Variants in FUT2 observed in about 807,000 individuals in gnomAD.
FUT2 encodes galactoside alpha-(1,2)-fucosyltransferase 2.
For synonymous variants in FUT2, 182 were observed against 193.1 expected (o/e 0.94, Z 0.48); for missense variants, 419 against 465.8 (o/e 0.90, Z 0.93).
chr19:48,701,546 T>C (rs1337199670), intron 1 of FUT2, among the ~76,000 whole-genome samples: 1 of 151,834 alleles, frequency 6.6e-6, no homozygotes, highest in Non-Finnish European at 1.5e-5. Context: ...AAGTCCACGG[T>C]GGAGCTGGGT....
At position 48,704,748 on chromosome 19, in the gene FUT2, T is replaced by C. The variant is rs79565041; in HGVS notation, c.*760T>C. The C allele has an allele frequency of 7.3e-6, 3 of 413,088 alleles. No homozygotes were observed. Among genetic ancestry groups the C allele is most frequent in the Non-Finnish European group, 1.3e-5 (3 of 226,172 alleles). 25.6% of individuals were successfully genotyped at this position (413,088 alleles called of 1,614,324 possible). A position where few individuals can be genotyped will look rare whatever the true frequency, so the allele number is the denominator to read the frequency against. On this transcript the variant is annotated 3_prime_UTR_variant, in exon 2 of 2. Transcript: ENST00000425340. The stretch of plus-strand genomic sequence containing the variant: ...AACCTTCCTAAGCCTTCCAGCAATT[T>C]CCCCCCAACTCCGATGGGTAGGAAT...
chr19:48,704,542 C>A lies in FUT2; in HGVS notation c.*554C>A. 2.4e-6 allele frequency: 1 copy of A among 422,312 alleles called. No individual in the cohort carries two copies. Among genetic ancestry groups the A allele is most frequent in the East Asian group, 3.5e-5 (1 of 28,410 alleles). 26.2% of individuals were successfully genotyped at this position (422,312 alleles called of 1,614,324 possible). A position where few individuals can be genotyped will look rare whatever the true frequency, so the allele number is the denominator to read the frequency against. On this transcript the variant is annotated 3_prime_UTR_variant, in exon 2 of 2. Coordinates refer to ENST00000425340, the MANE Select transcript of FUT2 (RefSeq NM_000511.6). The stretch of plus-strand genomic sequence containing the variant: ...AGGGTCAGTTAATTTAGCGGCTCCA[C>A]AAAGTCATCAGTCACCTGAGCTCCA...
chr19:48,704,600 G>A lies in FUT2; in HGVS notation c.*612G>A. The A allele has an allele frequency of 2.4e-6, 1 of 417,142 alleles. No homozygotes were observed. 25.8% of individuals were successfully genotyped at this position (417,142 alleles called of 1,614,324 possible). ...TCACATGCTGTGCTACCATTTCTTAGCTGTATCATCCCATGGTCCCAAAAG... is the reference window on the plus strand; with the variant it reads ...TCACATGCTGTGCTACCATTTCTTAACTGTATCATCCCATGGTCCCAAAAG... On this transcript the variant is annotated 3_prime_UTR_variant, in exon 2 of 2. Coordinates refer to ENST00000425340, the MANE Select transcript of FUT2 (RefSeq NM_000511.6).
chr19:48,702,088 G>A lies in FUT2; in HGVS notation c.-2-867G>A, dbSNP rs370136440. ...GACACCCACATATGTACACTCAGTCGATAAACACCCACATTTAAACATACC... is the reference window on the plus strand; with the variant it reads ...GACACCCACATATGTACACTCAGTCAATAAACACCCACATTTAAACATACC... On this transcript the variant is annotated intron_variant, in intron 1 of 1. Coordinates refer to ENST00000425340, the MANE Select transcript of FUT2 (RefSeq NM_000511.6). Among the ~76,000 whole-genome samples the A allele has an allele frequency of 1.3e-4, 20 of 152,078 alleles. 2 individuals carry two copies. Among genetic ancestry groups the A allele is most frequent in the Admixed American group, 2.6e-4 (4 of 15,288 alleles).
In FUT2 at chr19:48,704,426, AAAAAAAAAAAAAAAAG is replaced by A; in HGVS notation, c.*443_*458del. 1 of 209,880 alleles carries A rather than the reference AAAAAAAAAAAAAAAAG, an allele frequency of 4.8e-6. No homozygotes were observed. Among genetic ancestry groups the A allele is most frequent in the Non-Finnish European group, 8.8e-6 (1 of 114,206 alleles). The allele number at this position is 209,880 out of a possible 1,614,324, so 13.0% of individuals were successfully genotyped here. A position where few individuals can be genotyped will look rare whatever the true frequency, so the allele number is the denominator to read the frequency against. On this transcript the variant is annotated 3_prime_UTR_variant, in exon 2 of 2. Coordinates refer to ENST00000425340, the MANE Select transcript of FUT2 (RefSeq NM_000511.6). ...GACACAGCAAGACTCCATCTCAAAAAAAAAAAAAAAAAAAAGAAAAGAAAAAGAAATGAATGGGTTC... is the reference window on the plus strand; with the variant it reads ...GACACAGCAAGACTCCATCTCAAAAAAAAAGAAAAAGAAATGAATGGGTTC...
Position 48,703,993 on chromosome 19 carries a change from G to T in FUT2, c.*5G>T. The T allele has an allele frequency of 6.2e-7, 1 of 1,613,000 alleles. No homozygotes were observed. Among genetic ancestry groups the T allele is most frequent in the Non-Finnish European group, 8.5e-7 (1 of 1,179,782 alleles). ...TCCCCCTTACTCAAGCACTAATGCT[G>T]GCCCATTCTTTGAGACCTTTTCTCC... On this transcript the variant is annotated 3_prime_UTR_variant, in exon 2 of 2. Transcript: ENST00000425340.
intron 1 of FUT2, chr19:48,696,685 C>G (rs1209445503): frequency 6.6e-6 from 1 of 152,266 alleles, no homozygotes; most frequent in East Asian, 1.9e-4. Flanking sequence ...CCCTTCTCCT[C>G]CCCAGGGTGG....
At chr19:48,697,307 T>C (rs866104119) in intron 1 of FUT2, among the ~76,000 whole-genome samples, 21 of 138,536 alleles carry the variant, frequency 1.5e-4, no homozygotes, top group Admixed American at 3.2e-4. Flanking sequence ...ATTGTGCCAT[T>C]GCACTCCAGC....
rs766048744 is a variant in FUT2, at chr19:48,703,544, A to AG, written c.592dup (p.Val198GlyfsTer47). On this transcript the variant is annotated frameshift_variant, in exon 2 of 2. Transcript: ENST00000425340. LOFTEE classifies it low-confidence loss of function (END_TRUNC). ...ACGGGAGCCGGCCGGGCACCTTTGT[A>AG]GGGGTCCATGTTCGCCGAGGGGACT... 38 of 1,613,162 alleles carry AG rather than the reference A, an allele frequency of 2.4e-5. No homozygotes were observed. The highest frequency in any genetic ancestry group is 3.2e-5 in the Non-Finnish European group (38 of 1,180,016).
At chr19:48,697,823 T>C (rs1053503230) in intron 1 of FUT2, among the ~76,000 whole-genome samples, 1 of 151,928 alleles carries the variant, frequency 6.6e-6, no homozygotes, top group Non-Finnish European at 1.5e-5. Context: ...GCCTCCCAAG[T>C]AGCTGAGATT....
At chr19:48,700,167 A>G (rs934901680) in intron 1 of FUT2, among the ~76,000 whole-genome samples, 8 of 150,462 alleles carry the variant, frequency 5.3e-5, no homozygotes, top group African/African-American at 1.9e-4. Context: ...AAAAAAAAAA[A>G]AAAAAAAGAA....
rs201915844 is a variant in FUT2 at position 48,703,392 on chromosome 19, C to T, written c.436C>T (p.Arg146Cys). ...CCGCCACATCCCGGGGGAGTACGTC[C>T]GCTTCACCGGCTACCCCTGCTCCTG... ...EYRHIPGEYV[R>C]FTGYPCSWTF... Residue 146 changes from arginine (R) to cysteine (C), a missense_variant, in exon 2 of 2, where the codon CGC becomes TGC. By Grantham distance (180) the Arg-to-Cys change is radical. Coordinates refer to ENST00000425340, the MANE Select transcript of FUT2 (RefSeq NM_000511.6). The T allele has an allele frequency of 1.3e-4, 203 of 1,613,122 alleles. 7 individuals are homozygous for T. The Admixed American group carries it at 2.8e-3, about 22-fold the overall frequency.
Position 48,703,647 on chromosome 19 carries a change from C to T in FUT2, c.691C>T (p.Arg231Ter), listed in dbSNP as rs144566043. Residue 231 changes from arginine (R) to a stop codon, truncating the protein, a stop_gained, in exon 2 of 2, where the codon CGA becomes TGA. Transcript: ENST00000425340. LOFTEE classifies it low-confidence loss of function (END_TRUNC). ...RYLQQALDWF[R>*]ARYSSLIFVV... ...CCTACAGCAGGCCCTGGACTGGTTC[C>T]GAGCTCGCTACAGCTCCCTCATCTT... 3.4e-4 allele frequency: 541 copies of T among 1,613,666 alleles called. 3 individuals are homozygous for T. In the African/African-American group the frequency reaches 6.4e-3, roughly 19 times the overall value.
At chr19:48,700,335 T>A (rs1030522548) in intron 1 of FUT2, among the ~76,000 whole-genome samples, 3 of 149,872 alleles carry the variant, frequency 2.0e-5, no homozygotes, top group African/African-American at 7.3e-5. Flanking sequence ...TTTATTTTAT[T>A]TTTTTTTTTG....
intron 1 of FUT2, among the ~76,000 whole-genome samples, chr19:48,699,192 T>TTTTTGTTTTG (rs28746180): frequency 6.6e-6 from 1 of 150,972 alleles, no homozygotes; most frequent in African/African-American, 2.4e-5. Flanking sequence ...CTGGGTGGGT[T>TTTTTGTTTTG]TTTTGTTTTG....
intron 1 of FUT2, among the ~76,000 whole-genome samples, chr19:48,697,330 A>G (rs2032431683): frequency 7.8e-6 from 1 of 127,478 alleles, no homozygotes; most frequent in Admixed American, 9.0e-5. Context: ...GGGGAACAAG[A>G]GCAAAACTCC....
chr19:48,699,468 C>A (rs1263400942), intron 1 of FUT2, among the ~76,000 whole-genome samples: 2 of 151,920 alleles, frequency 1.3e-5, no homozygotes, highest in Admixed American at 6.6e-5. Flanking sequence ...GAAGTTCTGG[C>A]ATTACAGGCG....
rs1171451887 is a variant in FUT2 at position 48,705,573 on chromosome 19, A to G, written c.*1585A>G. 1 of 167,156 alleles carries G rather than the reference A, an allele frequency of 6.0e-6. No individual in the cohort carries two copies. The highest frequency in any genetic ancestry group is 1.5e-5 in the Non-Finnish European group (1 of 68,136). The allele number at this position is 167,156 out of a possible 1,614,324, so 10.4% of individuals were successfully genotyped here. On this transcript the variant is annotated 3_prime_UTR_variant, in exon 2 of 2. Transcript: ENST00000425340. Reference sequence around the variant, plus strand: ...TGGGATGATCATTGCTAGAACTGAGAGACCAGCCTGGCTCAGTGAACTTCA... The same window carrying G: ...TGGGATGATCATTGCTAGAACTGAGGGACCAGCCTGGCTCAGTGAACTTCA...
At chr19:48,699,347 G>A (rs1341224358) in intron 1 of FUT2, among the ~76,000 whole-genome samples, 1 of 151,950 alleles carries the variant, frequency 6.6e-6, no homozygotes, top group Non-Finnish European at 1.5e-5. Context: ...ACAGGTGCGC[G>A]CCACCATGCC....
Sources: gnomAD v4.1 joint callset for allele counts (sites outside exome capture counted in the v4.1 genomes callset) on GRCh38, gnomAD v4.1.1 for gene constraint, MANE v1.5 for transcripts, NCBI Gene and HGNC (gene_info 2026-07-23, HGNC 2026-07-21) for gene names.